Variants in CRADD observed in about 807,000 individuals in gnomAD.
CRADD encodes death domain-containing protein CRADD.
A neutral mutation model predicts 15.5 loss-of-function variants in CRADD; 9 were observed. The observed-to-expected ratio is 0.58, with a 90% CI of 0.35 to 1.01. CRADD has a LOEUF of 1.01. CRADD is among the 50% of genes least tolerant of loss of function. The pLI is 0.02. For synonymous variants in CRADD, 118 were observed against 107.6 expected, an observed-to-expected ratio of 1.10 and a Z score of -0.60; for missense variants, 227 against 250.3, an observed-to-expected ratio of 0.91 and a Z score of 0.63.
At chr12:93,731,041 AAAAAT>A (rs1222964634) in intron 2 of CRADD, among the ~76,000 whole-genome samples, 1 of 152,126 alleles carries the variant, frequency 6.6e-6, no homozygotes, top group Non-Finnish European at 1.5e-5. Context: ...TATTGGATGG[AAAAAT>A]AAAATAAAAC....
chr12:93,814,285 A>C (rs1957666001), intron 2 of CRADD, among the ~76,000 whole-genome samples: 1 of 151,738 alleles, frequency 6.6e-6, no homozygotes, highest in African/African-American at 2.4e-5. Flanking sequence ...AACTGGATGG[A>C]TTTTTCATTC....
intron 2 of CRADD, among the ~76,000 whole-genome samples, chr12:93,869,100 G>T (rs1958396200): frequency 6.6e-6 from 1 of 152,090 alleles, no homozygotes; most frequent in Non-Finnish European, 1.5e-5. Flanking sequence ...AAATTAGTGG[G>T]GCTTGATAAA....
chr12:93,855,543 G>A (rs1958265884), downstream of CRADD, among the ~76,000 whole-genome samples: 1 of 152,214 alleles, frequency 6.6e-6, no homozygotes, highest in Non-Finnish European at 1.5e-5. Flanking sequence ...GAGTCTATGG[G>A]AATGCAGAGG....
At chr12:93,781,933 G>T (rs924467970) in intron 2 of CRADD, among the ~76,000 whole-genome samples, 1 of 152,188 alleles carries the variant, frequency 6.6e-6, no homozygotes, top group Admixed American at 6.5e-5. Flanking sequence ...AAATCAGTGT[G>T]GCGATTCCTC....
At chr12:93,769,436 T>C (rs1031252267) in intron 2 of CRADD, among the ~76,000 whole-genome samples, 7 of 152,208 alleles carry the variant, frequency 4.6e-5, no homozygotes, top group Non-Finnish European at 8.8e-5. Context: ...CGGGCTATTA[T>C]GAAAAATGTT....
At chr12:93,776,194 G>A (rs886438423) in intron 2 of CRADD, among the ~76,000 whole-genome samples, 2 of 152,082 alleles carry the variant, frequency 1.3e-5, no homozygotes, top group African/African-American at 2.4e-5. Context: ...TTAATCAACA[G>A]AATAGTGGTC....
At chr12:93,799,351 A>AT (rs1333562835) in intron 2 of CRADD, among the ~76,000 whole-genome samples, 1 of 152,138 alleles carries the variant, frequency 6.6e-6, no homozygotes, top group East Asian at 1.9e-4. Flanking sequence ...TTTGAAATGC[A>AT]TTTTATATTG....
chr12:93,683,746 T>C (rs1029427883), intron 2 of CRADD, among the ~76,000 whole-genome samples: 3 of 152,244 alleles, frequency 2.0e-5, no homozygotes, highest in Non-Finnish European at 4.4e-5. Context: ...CTTGGATGCA[T>C]CTAAAGTCAC....
At chr12:93,805,775 C>T (rs950580045) in intron 2 of CRADD, among the ~76,000 whole-genome samples, 9 of 152,080 alleles carry the variant, frequency 5.9e-5, no homozygotes, top group African/African-American at 1.9e-4. Flanking sequence ...CATGCAGCAG[C>T]CTGCTTGTCG....
At chr12:93,783,693 T>C (rs1957237951) in intron 2 of CRADD, among the ~76,000 whole-genome samples, 2 of 152,206 alleles carry the variant, frequency 1.3e-5, no homozygotes, top group South Asian at 4.1e-4. Context: ...AGCTTATATT[T>C]GATAATCTTT....
chr12:93,774,988 A>T (rs1361326706), intron 2 of CRADD, among the ~76,000 whole-genome samples: 1 of 152,170 alleles, frequency 6.6e-6, no homozygotes, highest in Non-Finnish European at 1.5e-5. Flanking sequence ...TGGGAATTTG[A>T]TCTGTCCTGA....
At chr12:93,682,713 G>T (rs1955343195) in intron 2 of CRADD, among the ~76,000 whole-genome samples, 1 of 151,798 alleles carries the variant, frequency 6.6e-6, no homozygotes, top group African/African-American at 2.4e-5. Context: ...CTACTCTTCT[G>T]AACGCCACCC....
intron 2 of CRADD, among the ~76,000 whole-genome samples, chr12:93,864,643 C>G (rs935890337): frequency 6.6e-6 from 1 of 152,190 alleles, no homozygotes; most frequent in Non-Finnish European, 1.5e-5. Context: ...TGAGGGCCCA[C>G]CTGTGTCTTG....
chr12:93,782,043 C>T (rs377043436), intron 2 of CRADD, among the ~76,000 whole-genome samples: 14 of 152,150 alleles, frequency 9.2e-5, no homozygotes, highest in East Asian at 1.9e-4. Context: ...CACATGCACA[C>T]GTATGTTTAT....
intron 2 of CRADD, among the ~76,000 whole-genome samples, chr12:93,772,602 C>G (rs1379556020): frequency 6.6e-6 from 1 of 152,168 alleles, no homozygotes; most frequent in African/African-American, 2.4e-5. Context: ...AAATATCACT[C>G]TTAATGATGT....
chr12:93,888,379 C>T (rs927180614), intron 2 of CRADD, among the ~76,000 whole-genome samples: 2 of 146,714 alleles, frequency 1.4e-5, no homozygotes, highest in East Asian at 2.0e-4. Context: ...GAGCCGAGAT[C>T]GTGCCACTGC....
At chr12:93,817,430 T>C (rs1957717468) in intron 2 of CRADD, among the ~76,000 whole-genome samples, 2 of 152,228 alleles carry the variant, frequency 1.3e-5, no homozygotes, top group African/African-American at 4.8e-5. Flanking sequence ...AGGTCGATGC[T>C]GTCGTTATTC....
intron 2 of CRADD, among the ~76,000 whole-genome samples, chr12:93,701,333 A>ACACACACACACACACACAC (rs1173469585): frequency 1.1e-5 from 1 of 93,810 alleles, no homozygotes; most frequent in African/African-American, 5.0e-5. Flanking sequence ...CACACACACA[A>ACACACACACACACACACAC]TCTGTAAGTA....
chr12:93,874,303 T>A (rs1958443481), intron 2 of CRADD, among the ~76,000 whole-genome samples: 1 of 152,024 alleles, frequency 6.6e-6, no homozygotes, highest in South Asian at 2.1e-4. Context: ...CCTTTTTCAA[T>A]TCTGATTTTA....
Sources: allele counts gnomAD v4.1 joint callset (sites outside exome capture counted in the v4.1 genomes callset), GRCh38; gene constraint gnomAD v4.1.1; transcripts MANE v1.5; gene names NCBI Gene and HGNC (gene_info 2026-07-23, HGNC 2026-07-21).